The following CDH13 variants were observed in gnomAD, a reference collection of about 807,000 sequenced individuals.
CDH13 encodes cadherin 13, also known as cadherin-13.
Under a neutral mutation model 63.8 loss-of-function variants are expected in CDH13, and 24 were observed. The ratio of observed to expected loss-of-function variants is 0.38; its 90% confidence interval spans 0.27 to 0.53. The LOEUF is 0.53. Among genes scored for constraint, CDH13 ranks in the 20% least tolerant of loss-of-function variants. The pLI is 0.85. For synonymous variants in CDH13, 503 were observed against 355.3 expected (o/e 1.42, Z -4.67); for missense variants, 1,049 against 903.1 (o/e 1.16, Z -2.07).
intron 1 of CDH13, among the ~76,000 whole-genome samples, chr16:82,856,048 G>A (rs976256854): frequency 6.6e-6 from 1 of 152,118 alleles, no homozygotes; most frequent in Non-Finnish European, 1.5e-5. Context: ...TTGAGTGCAA[G>A]TAATTTGAGT....
At chr16:83,024,869 C>T (rs527955867) in intron 2 of CDH13, among the ~76,000 whole-genome samples, 9 of 152,272 alleles carry the variant, frequency 5.9e-5, no homozygotes, top group Non-Finnish European at 8.8e-5. Flanking sequence ...ACATGAAGTA[C>T]GTAGGGCTTC....
intron 5 of CDH13, among the ~76,000 whole-genome samples, chr16:83,322,926 A>G (rs2090262499): frequency 6.6e-6 from 1 of 152,140 alleles, no homozygotes; most frequent in Admixed American, 6.5e-5. Context: ...CTGAGTGTTT[A>G]TCGTTGACTT....
At chr16:83,528,517 G>T (rs2075012404) in intron 7 of CDH13, among the ~76,000 whole-genome samples, 1 of 151,978 alleles carries the variant, frequency 6.6e-6, no homozygotes. Context: ...TCCCTAGTGG[G>T]GTCGTCTAAG....
chr16:82,997,035 G>GTGATGA (rs545023709), intron 2 of CDH13, among the ~76,000 whole-genome samples: 1 of 121,626 alleles, frequency 8.2e-6, no homozygotes, highest in African/African-American at 3.8e-5. Flanking sequence ...GGTGATGGTG[G>GTGATGA]TGATGATGAT....
At chr16:82,850,903 C>T (rs1446607675) in intron 1 of CDH13, among the ~76,000 whole-genome samples, 1 of 152,156 alleles carries the variant, frequency 6.6e-6, no homozygotes, top group Non-Finnish European at 1.5e-5. Context: ...AATGCTATTG[C>T]ATACTTAATA....
intron 2 of CDH13, among the ~76,000 whole-genome samples, chr16:82,973,363 G>T (rs1244429540): frequency 6.6e-6 from 1 of 152,170 alleles, no homozygotes; most frequent in Non-Finnish European, 1.5e-5. Context: ...TAGCTTTAAA[G>T]CCTGTTTGGG....
chr16:83,359,055 C>T (rs117286821), intron 6 of CDH13, among the ~76,000 whole-genome samples: 1 of 152,036 alleles, frequency 6.6e-6, no homozygotes, highest in Admixed American at 6.6e-5. Flanking sequence ...TTAAAGGGCT[C>T]TAGAAGGTTT....
At chr16:83,319,787 A>C (rs1168863573) in intron 5 of CDH13, among the ~76,000 whole-genome samples, 1 of 152,216 alleles carries the variant, frequency 6.6e-6, no homozygotes, top group Non-Finnish European at 1.5e-5. Flanking sequence ...GAACACAGGG[A>C]AAGCTTGAAT....
chr16:83,333,316 G>C (rs2090517129), intron 5 of CDH13, among the ~76,000 whole-genome samples: 1 of 152,126 alleles, frequency 6.6e-6, no homozygotes, highest in Admixed American at 6.5e-5. Flanking sequence ...TGACAAATAG[G>C]AATTGAATCT....
At chr16:82,884,830 C>G (rs1394492365) in intron 2 of CDH13, among the ~76,000 whole-genome samples, 1 of 152,176 alleles carries the variant, frequency 6.6e-6, no homozygotes, top group African/African-American at 2.4e-5. Flanking sequence ...ATATTATTTT[C>G]TTCTCCAGTC....
chr16:82,957,050 T>G (rs765108186), intron 2 of CDH13, among the ~76,000 whole-genome samples: 2 of 152,166 alleles, frequency 1.3e-5, no homozygotes, highest in Non-Finnish European at 2.9e-5. Context: ...CCCTCTTATT[T>G]TATGGCATTT....
intron 8 of CDH13, among the ~76,000 whole-genome samples, chr16:83,661,404 A>G (rs540319523): frequency 6.6e-6 from 1 of 151,782 alleles, no homozygotes; most frequent in East Asian, 1.9e-4. Context: ...GATCACTTGC[A>G]CTTAGGAGGT....
intron 10 of CDH13, among the ~76,000 whole-genome samples, chr16:83,741,952 A>C (rs1266655148): frequency 6.6e-6 from 1 of 152,218 alleles, no homozygotes; most frequent in East Asian, 1.9e-4. Context: ...TTCATCTCCA[A>C]GCCATCCCCC....
At chr16:82,984,295 C>T (rs1188456034) in intron 2 of CDH13, among the ~76,000 whole-genome samples, 5 of 152,210 alleles carry the variant, frequency 3.3e-5, no homozygotes, top group African/African-American at 1.2e-4. Context: ...CTTGAAGTAT[C>T]ATTCAGCTAT....
chr16:83,281,784 G>T (rs975895183), intron 5 of CDH13, among the ~76,000 whole-genome samples: 2 of 151,252 alleles, frequency 1.3e-5, no homozygotes, highest in African/African-American at 4.9e-5. Flanking sequence ...GTGGTGGCGC[G>T]CACCTGTAAT....
chr16:82,637,775 T>TA (rs1380313393), intron 1 of CDH13: 1 of 152,148 alleles, frequency 6.6e-6, no homozygotes, highest in African/African-American at 2.4e-5. Context: ...CTGGTGAGTT[T>TA]AAGGAACTGA....
chr16:82,627,651 CT>C (rs1907493918), intron 1 of CDH13, among the ~76,000 whole-genome samples: 1 of 152,144 alleles, frequency 6.6e-6, no homozygotes, highest in South Asian at 2.1e-4. Context: ...CCCGGGCCCC[CT>C]GGTACAGCCC....
intron 7 of CDH13, among the ~76,000 whole-genome samples, chr16:83,549,350 A>T (rs1436223410): frequency 6.6e-6 from 1 of 152,216 alleles, no homozygotes; most frequent in Non-Finnish European, 1.5e-5. Context: ...AATATCAGCT[A>T]GAAAGGAAAG....
At chr16:83,334,859 G>A (rs866284816) in intron 5 of CDH13, among the ~76,000 whole-genome samples, 3 of 152,094 alleles carry the variant, frequency 2.0e-5, no homozygotes, top group East Asian at 1.9e-4. Flanking sequence ...CCCACACATC[G>A]TGATGATCTA....
Sources: gnomAD v4.1 joint callset for allele counts (sites outside exome capture counted in the v4.1 genomes callset) on GRCh38, gnomAD v4.1.1 for gene constraint, MANE v1.5 for transcripts, NCBI Gene and HGNC (gene_info 2026-07-23, HGNC 2026-07-21) for gene names.